SDCCAG8: variants seen among roughly 807,000 people sequenced by gnomAD.
SDCCAG8 encodes the protein SHH signaling and ciliogenesis regulator SDCCAG8, also known as serologically defined colon cancer antigen 8.
SDCCAG8 carries 74 observed loss-of-function variants against 101.8 expected under a neutral mutation model. That is an observed-to-expected ratio of 0.73 (90% CI 0.60 to 0.88). The LOEUF (loss-of-function observed/expected upper bound fraction) is 0.88, where lower values mean the gene tolerates loss of function less well. SDCCAG8 is among the 40% of genes least tolerant of loss of function. The pLI, the probability that SDCCAG8 is intolerant of heterozygous loss-of-function variation, is 0.00. For missense variants in SDCCAG8, 787 were observed against 822.6 expected, an observed-to-expected ratio of 0.96 and a Z score of 0.53; for synonymous variants, 281 against 292.9, an observed-to-expected ratio of 0.96 and a Z score of 0.41.
intron 10 of SDCCAG8, among the ~76,000 whole-genome samples, chr1:243,340,623 A>G (rs2075330896): frequency 6.6e-6 from 1 of 152,130 alleles, no homozygotes; most frequent in Admixed American, 6.5e-5. Flanking sequence ...TCTCTAAAGA[A>G]CTTCCTCCTT....
chr1:243,338,412 C>T (rs1047786319), intron 10 of SDCCAG8, among the ~76,000 whole-genome samples: 25 of 151,464 alleles, frequency 1.7e-4, no homozygotes, highest in African/African-American at 5.8e-4. Context: ...TTATTCCTCC[C>T]TTACTTTTCT....
chr1:243,291,711 A>G (rs1377848912), intron 5 of SDCCAG8, among the ~76,000 whole-genome samples: 1 of 152,142 alleles, frequency 6.6e-6, no homozygotes, highest in Non-Finnish European at 1.5e-5. Context: ...TTTCTCCTAC[A>G]CCTGGCCATT....
intron 10 of SDCCAG8, among the ~76,000 whole-genome samples, chr1:243,332,476 C>A (rs1355461577): frequency 2.7e-5 from 4 of 150,914 alleles, no homozygotes; most frequent in African/African-American, 9.8e-5. Flanking sequence ...TTATCATAAT[C>A]CCCCTCTGGA....
intron 16 of SDCCAG8, among the ~76,000 whole-genome samples, chr1:243,464,057 G>A (rs1477143817): frequency 6.6e-6 from 1 of 152,096 alleles, no homozygotes; most frequent in African/African-American, 2.4e-5. Flanking sequence ...TGTTAACATG[G>A]TTGGATGAAA....
At chr1:243,286,220 A>T in intron 4 of SDCCAG8, 52 bp from the exon 5 acceptor site, 1 of 1,586,256 alleles carries the variant, frequency 6.3e-7, no homozygotes. Context: ...ATAATCAACA[A>T]ATAAAAACAC....
chr1:243,396,053 A>T (rs553154606), intron 13 of SDCCAG8, among the ~76,000 whole-genome samples: 51 of 152,206 alleles, frequency 3.4e-4, no homozygotes, highest in Non-Finnish European at 6.5e-4. Flanking sequence ...CTTTTTTGCC[A>T]TATATTTTCT....
chr1:243,329,303 T>C lies in SDCCAG8; in HGVS notation c.1069-1237T>C, dbSNP rs978257286. On this transcript the variant is annotated intron_variant, in intron 9 of 17. Coordinates refer to ENST00000366541, the MANE Select transcript of SDCCAG8 (RefSeq NM_006642.5). ...GAATTTTACCTTTATATTTTATGCCTGGGAGCATAGAAACTTTTCAGAAGA... is the reference window on the plus strand; with the variant it reads ...GAATTTTACCTTTATATTTTATGCCCGGGAGCATAGAAACTTTTCAGAAGA... Among the ~76,000 whole-genome samples the C allele has an allele frequency of 2.0e-5, 3 of 152,322 alleles. No individual in the cohort carries two copies. The South Asian group carries it at 6.2e-4, about 32-fold the overall frequency.
At chr1:243,440,167 G>GA (rs1441180569) in intron 16 of SDCCAG8, among the ~76,000 whole-genome samples, 2 of 152,066 alleles carry the variant, frequency 1.3e-5, no homozygotes, top group Non-Finnish European at 2.9e-5. Context: ...GAGAAAAACG[G>GA]AAAAGGTCCC....
intron 16 of SDCCAG8, among the ~76,000 whole-genome samples, chr1:243,429,695 ATTTTTT>A (rs796450909): frequency 3.2e-5 from 3 of 92,936 alleles, no homozygotes; most frequent in South Asian, 4.0e-4. Context: ...TGCTCTGCTA[ATTTTTT>A]TTTTTTTTTT....
intron 13 of SDCCAG8, among the ~76,000 whole-genome samples, chr1:243,410,106 G>C (rs2147998571): frequency 6.6e-6 from 1 of 152,284 alleles, no homozygotes; most frequent in African/African-American, 2.4e-5. Flanking sequence ...TGCTGAGTCT[G>C]ACTTGTACCA....
At chr1:243,462,423 A>G (rs1659306867) in intron 16 of SDCCAG8, among the ~76,000 whole-genome samples, 1 of 152,274 alleles carries the variant, frequency 6.6e-6, no homozygotes, top group Admixed American at 6.5e-5. Context: ...GTGGCTGTGA[A>G]GGTAAGGACA....
chr1:243,301,631 T>A (rs1322114884), intron 6 of SDCCAG8, among the ~76,000 whole-genome samples: 2 of 152,182 alleles, frequency 1.3e-5, no homozygotes, highest in Non-Finnish European at 1.5e-5. Context: ...ACTGCAGCCG[T>A]GCCAACACGC....
intron 12 of SDCCAG8, among the ~76,000 whole-genome samples, chr1:243,350,344 G>A (rs1257920843): frequency 2.0e-5 from 3 of 152,022 alleles, no homozygotes; most frequent in South Asian, 2.1e-4. Context: ...AAGTAGCTGG[G>A]ACTATGGGAG....
At chr1:243,469,832 T>G (rs1359891123) in intron 16 of SDCCAG8, among the ~76,000 whole-genome samples, 4 of 138,144 alleles carry the variant, frequency 2.9e-5, no homozygotes, top group Non-Finnish European at 4.9e-5. Flanking sequence ...AAGTGTTGGT[T>G]TTTTTTTTTT....
chr1:243,372,506 T>C (rs1362578569), intron 12 of SDCCAG8, among the ~76,000 whole-genome samples: 2 of 152,108 alleles, frequency 1.3e-5, no homozygotes, highest in African/African-American at 4.8e-5. Context: ...AGGTTTTGCA[T>C]TCATTTCTTT....
chr1:243,304,026 T>C (rs1159674349), intron 6 of SDCCAG8, among the ~76,000 whole-genome samples: 1 of 152,070 alleles, frequency 6.6e-6, no homozygotes, highest in Non-Finnish European at 1.5e-5. Context: ...TGAGCTGAGA[T>C]TGCGCCACTG....
At chr1:243,424,094 T>C (rs1029184625) in intron 15 of SDCCAG8, among the ~76,000 whole-genome samples, 1 of 152,146 alleles carries the variant, frequency 6.6e-6, no homozygotes, top group Non-Finnish European at 1.5e-5. Context: ...CAATATTTCT[T>C]ATACTTTTTA....
At chr1:243,484,133 C>T (rs1664316683) in intron 16 of SDCCAG8, among the ~76,000 whole-genome samples, 1 of 152,254 alleles carries the variant, frequency 6.6e-6, no homozygotes, top group African/African-American at 2.4e-5. Flanking sequence ...TACGCCAGGC[C>T]GATCCCTCCT....
chr1:243,479,719 C>T (rs765200594), intron 16 of SDCCAG8, among the ~76,000 whole-genome samples: 4 of 152,042 alleles, frequency 2.6e-5, no homozygotes, highest in Admixed American at 1.3e-4. Context: ...TCATGACTGA[C>T]GCCAGAGTAT....
Sources: allele counts gnomAD v4.1 joint callset (sites outside exome capture counted in the v4.1 genomes callset), GRCh38; gene constraint gnomAD v4.1.1; transcripts MANE v1.5; gene names NCBI Gene and HGNC (gene_info 2026-07-23, HGNC 2026-07-21).